ADAMTSL1: variants seen among roughly 807,000 people sequenced by gnomAD.
ADAMTSL1 encodes ADAMTS like 1.
In ADAMTSL1, 126 loss-of-function variants were observed where a neutral mutation model predicts 201.8. That is an observed-to-expected ratio of 0.62 (90% CI 0.54 to 0.72). The LOEUF (loss-of-function observed/expected upper bound fraction) is 0.72. ADAMTSL1 is among the 30% of genes least tolerant of loss of function. The pLI is 0.00. For synonymous variants in ADAMTSL1, 1,121 were observed against 903.4 expected (o/e 1.24, Z -4.32); for missense variants, 2,679 against 2,277.8 (o/e 1.18, Z -3.59).
rs1444339305 is a variant in ADAMTSL1 at position 18,681,699 on chromosome 9, G to GTGGGGGA, written c.1342-113_1342-112insTGGGGGA. 7.0e-6 allele frequency: 2 copies of GTGGGGGA among 287,436 alleles called. 1 individual carries two copies. Among genetic ancestry groups the GTGGGGGA allele is most frequent in the East Asian group, 1.4e-4 (2 of 14,806 alleles). The allele number at this position is 287,436 out of a possible 1,614,324, so 17.8% of individuals were successfully genotyped here. ...TAAATTTACCAGGAGTCCTCGTGTG[G>GTGGGGGA]GGGGGGGGGGCGGGGAAAAAGAAAA... On this transcript the variant is annotated intron_variant, in intron 11 of 28. Transcript: ENST00000380548.
At chr9:18,051,118 A>G (rs760591636) in intron 1 of ADAMTSL1, among the ~76,000 whole-genome samples, 14 of 152,172 alleles carry the variant, frequency 9.2e-5, no homozygotes, top group East Asian at 3.9e-4. Context: ...TGGCTAACAT[A>G]GTGAAACCCC....
chr9:18,864,893 G>T (rs1206873899), intron 23 of ADAMTSL1, among the ~76,000 whole-genome samples: 2 of 152,096 alleles, frequency 1.3e-5, no homozygotes, highest in African/African-American at 4.8e-5. Context: ...GGTCTTTAGT[G>T]TTTCCTTTTC....
chr9:17,954,791 T>A (rs537967655), intron 1 of ADAMTSL1, among the ~76,000 whole-genome samples: 1 of 152,296 alleles, frequency 6.6e-6, no homozygotes, highest in African/African-American at 2.4e-5. Flanking sequence ...CACAGTTAGG[T>A]CTGTTTAGAG....
chr9:18,026,633 CTG>C (rs1399945433), intron 1 of ADAMTSL1, among the ~76,000 whole-genome samples: 1 of 151,940 alleles, frequency 6.6e-6, no homozygotes, highest in African/African-American at 2.4e-5. Flanking sequence ...ATTTTTGTGA[CTG>C]TGTTCAGCAG....
intron 26 of ADAMTSL1, among the ~76,000 whole-genome samples, chr9:18,896,684 C>T (rs1829657472): frequency 6.6e-6 from 1 of 152,194 alleles, no homozygotes; most frequent in Admixed American, 6.5e-5. Flanking sequence ...TGCACAACCC[C>T]ACCCAGGAAA....
chr9:18,551,630 T>C (rs1820804937), intron 3 of ADAMTSL1, among the ~76,000 whole-genome samples: 2 of 151,458 alleles, frequency 1.3e-5, no homozygotes, highest in African/African-American at 4.8e-5. Flanking sequence ...CTAGATTCAG[T>C]CTCAGGTCTG....
intron 1 of ADAMTSL1, among the ~76,000 whole-genome samples, chr9:18,503,918 C>T (rs370110553): frequency 1.1e-4 from 16 of 151,832 alleles, no homozygotes; most frequent in African/African-American, 1.7e-4. Context: ...CACTCTGCTC[C>T]GGCACTAGTT....
At position 18,629,551 on chromosome 9, in the gene ADAMTSL1, G is replaced by T. The variant is rs143406825; in HGVS notation, c.602-6392G>T. Reference sequence around the variant, plus strand: ...GTTATTGTGATGAATTACATTAATTGGTTTTTAAATAACCAACTCTGCATT... The same window carrying T: ...GTTATTGTGATGAATTACATTAATTTGTTTTTAAATAACCAACTCTGCATT... On this transcript the variant is annotated intron_variant, in intron 5 of 28. Transcript: ENST00000380548. 7.2e-5 allele frequency among the ~76,000 whole-genome samples: 11 copies of T among 152,098 alleles called. No individual in the cohort carries two copies. In the South Asian group the frequency reaches 1.2e-3, roughly 17 times the overall value.
intron 2 of ADAMTSL1, among the ~76,000 whole-genome samples, chr9:18,460,049 A>G (rs902129446): frequency 6.6e-6 from 1 of 152,196 alleles, no homozygotes; most frequent in African/African-American, 2.4e-5. Context: ...AATGCTCTCA[A>G]CTTGAATAGA....
chr9:18,509,966 T>C (rs573535803), intron 2 of ADAMTSL1, among the ~76,000 whole-genome samples: 24 of 152,164 alleles, frequency 1.6e-4, no homozygotes, highest in Non-Finnish European at 2.9e-4. Context: ...TTATATACCT[T>C]CCCAATAGGG....
intron 28 of ADAMTSL1, 168 bp downstream of exon 28, chr9:18,907,080 A>G: frequency 1.4e-6 from 1 of 692,798 alleles, no homozygotes; most frequent in Non-Finnish European, 2.4e-6. Flanking sequence ...GTGTATGCAG[A>G]GAGGTGTATA....
chr9:17,980,439 CA>C (rs1372834145), intron 1 of ADAMTSL1, among the ~76,000 whole-genome samples: 1 of 151,990 alleles, frequency 6.6e-6, no homozygotes, highest in Non-Finnish European at 1.5e-5. Flanking sequence ...TGTTACCAAA[CA>C]TGGCCACTGG....
chr9:17,949,025 C>T (rs1827624482), intron 1 of ADAMTSL1, among the ~76,000 whole-genome samples: 1 of 152,154 alleles, frequency 6.6e-6, no homozygotes. Context: ...AATTTTATCC[C>T]ACTGTAAGAG....
intron 1 of ADAMTSL1, among the ~76,000 whole-genome samples, chr9:18,048,911 GC>G (rs1403631195): frequency 1.3e-5 from 2 of 152,276 alleles, no homozygotes; most frequent in East Asian, 1.9e-4. Flanking sequence ...AGTTCAGGGG[GC>G]CAGAAATCCA....
At chr9:18,583,644 C>T (rs1256816259) in intron 4 of ADAMTSL1, among the ~76,000 whole-genome samples, 1 of 152,156 alleles carries the variant, frequency 6.6e-6, no homozygotes, top group East Asian at 1.9e-4. Context: ...GGATAAGCTG[C>T]AGTCACTCAA....
intron 1 of ADAMTSL1, among the ~76,000 whole-genome samples, chr9:18,125,676 A>C (rs1398058426): frequency 6.6e-6 from 1 of 152,150 alleles, no homozygotes. Context: ...TTGTTGAAGA[A>C]ACTATTCTTT....
chr9:18,842,825 G>A lies in ADAMTSL1; in HGVS notation c.4249+12848G>A, dbSNP rs373615968. ...GGTCTCTTTTGATCTTTGTTGGTTT[G>A]AAGTCTGTTTTATCAGAGACTAGGA... On this transcript the variant is annotated intron_variant, in intron 23 of 28. Coordinates refer to ENST00000380548, the MANE Select transcript of ADAMTSL1 (RefSeq NM_001040272.6). Among the ~76,000 whole-genome samples the A allele has an allele frequency of 8.2e-4, 124 of 152,088 alleles. 2 individuals are homozygous for A. The East Asian group carries it at 0.023, about 28-fold the overall frequency.
chr9:18,708,669 T>G (rs1832372200), intron 14 of ADAMTSL1, among the ~76,000 whole-genome samples: 1 of 152,208 alleles, frequency 6.6e-6, no homozygotes, highest in Non-Finnish European at 1.5e-5. Flanking sequence ...TGTGCTTTCA[T>G]CCCCAATTTC....
chr9:18,885,146 G>C (rs1235899772), intron 23 of ADAMTSL1, among the ~76,000 whole-genome samples: 1 of 152,148 alleles, frequency 6.6e-6, no homozygotes, highest in Non-Finnish European at 1.5e-5. Flanking sequence ...CCTGAGACTA[G>C]GTAATTTATA....
Sources: gnomAD v4.1 joint callset for allele counts (sites outside exome capture counted in the v4.1 genomes callset) on GRCh38, gnomAD v4.1.1 for gene constraint, MANE v1.5 for transcripts, NCBI Gene and HGNC (gene_info 2026-07-23, HGNC 2026-07-21) for gene names.